The following ATP8A2 variants were observed in gnomAD, a reference collection of about 807,000 sequenced individuals.
ATP8A2 encodes phospholipid-transporting ATPase IB.
A neutral mutation model predicts 165.6 loss-of-function variants in ATP8A2; 100 were observed. That is an observed-to-expected ratio of 0.60 (90% CI 0.51 to 0.71). The LOEUF is 0.71. Among genes scored for constraint, ATP8A2 ranks in the 30% least tolerant of loss-of-function variants. The probability of loss-of-function intolerance (pLI) is 0.00; values close to 1 mark genes in which losing one functional copy is unlikely to be tolerated. For missense variants in ATP8A2, 1,227 were observed against 1,479.5 expected (o/e 0.83, Z 2.80); for synonymous variants, 543 against 548.8 (o/e 0.99, Z 0.15).
intron 24 of ATP8A2, among the ~76,000 whole-genome samples, chr13:25,629,095 C>A (rs1352214871): frequency 2.0e-5 from 3 of 152,164 alleles, no homozygotes; most frequent in African/African-American, 7.2e-5. Context: ...ACTTGCCTGT[C>A]ACCCTTACTA....
At chr13:25,838,271 G>A (rs567120951) in intron 29 of ATP8A2, among the ~76,000 whole-genome samples, 3 of 152,278 alleles carry the variant, frequency 2.0e-5, no homozygotes, top group South Asian at 4.1e-4. Flanking sequence ...TGTTCCTGAC[G>A]TCCCTTACAG....
chr13:25,699,194 C>A lies in ATP8A2; in HGVS notation c.2233C>A (p.Gln745Lys). The A allele has an allele frequency of 6.3e-7, 1 of 1,591,052 alleles. No homozygotes were observed. The highest frequency in any genetic ancestry group is 8.6e-7 in the Non-Finnish European group (1 of 1,168,728). Residue 745 changes from glutamine (Q) to lysine (K), a missense_variant, in exon 25 of 37, where the codon CAG becomes AAG. Around this residue, in one of 5 missense-constraint regions of ATP8A2, gnomAD observed 592 missense variants for 785.6 expected, o/e 0.75. Transcript: ENST00000381655. ...TCAGGCCACAAGGGCAGCCATTACT[C>A]AGCACTGCACTGACCTTGGGAATTT... is the stretch of plus-strand genomic sequence containing the variant. ...SLDATRAAIT[Q>K]HCTDLGNLLG... is the part of the protein sequence containing the mutation.
At chr13:25,647,755 G>C (rs1013780132) in intron 24 of ATP8A2, among the ~76,000 whole-genome samples, 1 of 150,964 alleles carries the variant, frequency 6.6e-6, no homozygotes. Context: ...GCGTGGTCTC[G>C]GCTCACTGCA....
chr13:25,532,961 C>T (rs951971189), intron 5 of ATP8A2, among the ~76,000 whole-genome samples: 1 of 152,180 alleles, frequency 6.6e-6, no homozygotes, highest in African/African-American at 2.4e-5. Flanking sequence ...CCACTGCGCC[C>T]AGCTGTTCAG....
At chr13:25,451,885 C>T (rs1284656210) in intron 1 of ATP8A2, among the ~76,000 whole-genome samples, 1 of 149,574 alleles carries the variant, frequency 6.7e-6, no homozygotes, top group East Asian at 2.0e-4. Flanking sequence ...GATGGAGTCT[C>T]ACTCTTTTGC....
intron 24 of ATP8A2, among the ~76,000 whole-genome samples, chr13:25,591,829 G>GTGC (rs2040089123): frequency 6.6e-6 from 1 of 152,102 alleles, no homozygotes; most frequent in African/African-American, 2.4e-5. Context: ...ATTGTGAATA[G>GTGC]TGCTGCTATA....
chr13:25,929,960 T>G (rs975626763), intron 33 of ATP8A2, among the ~76,000 whole-genome samples: 16 of 152,170 alleles, frequency 1.1e-4, no homozygotes, highest in African/African-American at 3.9e-4. Flanking sequence ...TAAATGACTG[T>G]GCTCTGTTGC....
chr13:25,728,815 A>G (rs1456554780), intron 25 of ATP8A2, among the ~76,000 whole-genome samples: 1 of 152,186 alleles, frequency 6.6e-6, no homozygotes, highest in Non-Finnish European at 1.5e-5. Context: ...AGTGACGGGA[A>G]AATTTGTAAT....
intron 33 of ATP8A2, among the ~76,000 whole-genome samples, chr13:25,875,777 CACTT>C (rs1175668836): frequency 6.6e-6 from 1 of 152,190 alleles, no homozygotes; most frequent in Non-Finnish European, 1.5e-5. Flanking sequence ...TTAATAGTCA[CACTT>C]AATTACTTCA....
chr13:25,373,916 T>TA (rs2032520692), intron 1 of ATP8A2, among the ~76,000 whole-genome samples: 1 of 152,198 alleles, frequency 6.6e-6, no homozygotes, highest in South Asian at 2.1e-4. Flanking sequence ...GTCTGGCTCT[T>TA]ACAAGAGTCA....
Position 25,469,089 on chromosome 13 carries a change from G to T in ATP8A2, c.189G>T (p.Pro63=), listed in dbSNP as rs982197445. ...APARTIYLNQ[P]HLNKFRDNQI... ...CCCGCACCATTTACCTCAACCAACC[G>T]CATCTCAACAAATTCCGCGACAACC... The change falls in exon 2 of 37, where the codon CCG becomes CCT. Residue 63 remains proline, a synonymous_variant. Coordinates refer to ENST00000381655, the MANE Select transcript of ATP8A2 (RefSeq NM_016529.6). 6.2e-7 allele frequency: 1 copy of T among 1,614,000 alleles called. No individual in the cohort carries two copies. Among genetic ancestry groups the T allele is most frequent in the Non-Finnish European group, 8.5e-7 (1 of 1,179,886 alleles).
chr13:25,404,496 T>A (rs2138032681), intron 1 of ATP8A2, among the ~76,000 whole-genome samples: 1 of 151,800 alleles, frequency 6.6e-6, no homozygotes, highest in East Asian at 2.0e-4. Context: ...TGGAGAGTGG[T>A]CATAGTGAGG....
intron 2 of ATP8A2, among the ~76,000 whole-genome samples, chr13:25,475,760 G>T (rs558945306): frequency 4.2e-4 from 64 of 152,196 alleles, no homozygotes; most frequent in Non-Finnish European, 6.9e-4. Context: ...TTTCTCTAAT[G>T]ATCGGTGATA....
chr13:25,921,390 G>T (rs571155865), intron 33 of ATP8A2, among the ~76,000 whole-genome samples: 1 of 151,876 alleles, frequency 6.6e-6, no homozygotes, highest in Non-Finnish European at 1.5e-5. Flanking sequence ...GGCTGAGGCG[G>T]GTGGATCACG....
intron 35 of ATP8A2, among the ~76,000 whole-genome samples, chr13:25,977,026 T>TCCCCCCCCCCCCCCCCCCCCCCCCC (rs1566319946): frequency 8.0e-6 from 1 of 125,370 alleles, no homozygotes; most frequent in African/African-American, 3.2e-5. Context: ...GACCTTGTGA[T>TCCCCCCCCCCCCCCCCCCCCCCCCC]CCACCCCCAC....
intron 16 of ATP8A2, 98 bp downstream of exon 16, chr13:25,564,129 A>C: frequency 1.2e-6 from 1 of 857,064 alleles, no homozygotes; most frequent in Non-Finnish European, 2.0e-6. Flanking sequence ...GTTTTAGAGC[A>C]TGGGAAAAGT....
chr13:26,019,622 C>G (rs1322200511), intron 36 of ATP8A2, among the ~76,000 whole-genome samples: 1 of 152,138 alleles, frequency 6.6e-6, no homozygotes, highest in African/African-American at 2.4e-5. Flanking sequence ...GCCGCAGCCC[C>G]CTAGAAATAG....
At chr13:25,645,180 T>C (rs2041638885) in intron 24 of ATP8A2, among the ~76,000 whole-genome samples, 1 of 152,160 alleles carries the variant, frequency 6.6e-6, no homozygotes, top group African/African-American at 2.4e-5. Context: ...CATTGTGCGA[T>C]ATGAAAGGCA....
chr13:25,565,457 A>T (rs2039285036), intron 16 of ATP8A2, among the ~76,000 whole-genome samples: 1 of 152,162 alleles, frequency 6.6e-6, no homozygotes, highest in African/African-American at 2.4e-5. Flanking sequence ...TGTGGTTTTG[A>T]TTCACATTTC....
Sources: allele counts gnomAD v4.1 joint callset (sites outside exome capture counted in the v4.1 genomes callset), GRCh38; gene constraint gnomAD v4.1.1; regional missense constraint gnomAD v4.1.1; transcripts MANE v1.5; gene names NCBI Gene and HGNC (gene_info 2026-07-23, HGNC 2026-07-21).